The following PLGRKT variants were observed in gnomAD, a reference collection of about 807,000 sequenced individuals.
PLGRKT encodes the protein plasminogen receptor (KT).
A neutral mutation model predicts 18.5 loss-of-function variants in PLGRKT; 22 were observed. The ratio of observed to expected loss-of-function variants is 1.19; its 90% CI spans 0.85 to 1.70. The LOEUF (loss-of-function observed/expected upper bound fraction) is 1.70, where lower values mean the gene tolerates loss of function less well. PLGRKT is among the 40% of genes most tolerant of loss of function. The probability of loss-of-function intolerance (pLI) is 0.00; values close to 1 mark genes in which losing one functional copy is unlikely to be tolerated. For missense variants in PLGRKT, 235 were observed against 174.4 expected (o/e 1.35, Z -1.96); for synonymous variants, 72 against 52.8 (o/e 1.36, Z -1.58).
intron 3 of PLGRKT, chr9:5,419,084 T>A (rs1349262790): frequency 7.5e-6 from 2 of 267,480 alleles, no homozygotes; most frequent in South Asian, 1.2e-4. Context: ...AGCTCAGACA[T>A]CCAGCACTCA....
rs1818507506 is a variant in PLGRKT at position 5,418,477 on chromosome 9, C to G, written c.81+13420G>C. On this transcript the variant is annotated intron_variant, in intron 3 of 5. Transcript: ENST00000223864. The surrounding 1 kb of genome is among the most constrained non-coding windows in gnomAD (Gnocchi z 4.2). The stretch of plus-strand genomic sequence containing the variant: ...AGCCACCAAGATGACAGTGCACACC[C>G]TCAACCACATGGAGCTTTTCACCAT... 2 of 1,092,276 alleles carry G rather than the reference C, an allele frequency of 1.8e-6. No homozygotes were observed. Among genetic ancestry groups the G allele is most frequent in the Admixed American group, 1.7e-5 (1 of 58,134 alleles). 67.7% of individuals were successfully genotyped at this position (1,092,276 alleles called of 1,614,324 possible). A position where few individuals can be genotyped will look rare whatever the true frequency, so the allele number is the denominator to read the frequency against.
chr9:5,424,691 T>TATAC (rs201541927), intron 3 of PLGRKT, among the ~76,000 whole-genome samples: 5 of 70,502 alleles, frequency 7.1e-5, no homozygotes, highest in South Asian at 4.2e-4. Context: ...TATATATATA[T>TATAC]ACACACAGGG....
In PLGRKT at chr9:5,398,020, T is replaced by C. The variant is rs535760954; in HGVS notation, c.81+33877A>G. Among the ~76,000 whole-genome samples the C allele has an allele frequency of 1.2e-4, 19 of 152,042 alleles. No individual in the cohort carries two copies. The South Asian group carries it at 2.7e-3, about 22-fold the overall frequency. On this transcript the variant is annotated intron_variant, in intron 3 of 5. Coordinates refer to ENST00000223864, the MANE Select transcript of PLGRKT (RefSeq NM_018465.4). Reference sequence around the variant, plus strand: ...CTGTAGCTTGGTGCCCACATCCGAATGGATGCATAGAGCAAAGCCTGAACC... The same window carrying C: ...CTGTAGCTTGGTGCCCACATCCGAACGGATGCATAGAGCAAAGCCTGAACC...
At chr9:5,424,645 T>TAC (rs1257708773) in intron 3 of PLGRKT, among the ~76,000 whole-genome samples, 6 of 71,240 alleles carry the variant, frequency 8.4e-5, no homozygotes, top group African/African-American at 3.6e-4. Flanking sequence ...ATATTTACAT[T>TAC]ATATATAATA....
chr9:5,421,628 G>A (rs1438795295), intron 3 of PLGRKT, among the ~76,000 whole-genome samples: 1 of 152,192 alleles, frequency 6.6e-6, no homozygotes, highest in Non-Finnish European at 1.5e-5. Flanking sequence ...TTTAATTACT[G>A]ACTTTGCTGA....
intron 3 of PLGRKT, among the ~76,000 whole-genome samples, chr9:5,381,068 G>A (rs1479243706): frequency 6.6e-6 from 1 of 152,172 alleles, no homozygotes; most frequent in Non-Finnish European, 1.5e-5. Flanking sequence ...TAAGTTTCCT[G>A]AGGCCTCCCC....
intron 3 of PLGRKT, among the ~76,000 whole-genome samples, chr9:5,365,096 C>T (rs1817356174): frequency 6.9e-6 from 1 of 145,288 alleles, no homozygotes; most frequent in Non-Finnish European, 1.5e-5. Context: ...CAGAAACACC[C>T]AGACATGATT....
intron 3 of PLGRKT, among the ~76,000 whole-genome samples, chr9:5,398,240 T>G (rs582364): frequency 0.28 from 41,684 of 151,528 alleles, 6,087 homozygotes; most frequent in Non-Finnish European, 0.29. Context: ...CCTCCAGCAG[T>G]GCTTTACTGC....
At chr9:5,417,980 C>T (rs1225173334) in intron 3 of PLGRKT, among the ~76,000 whole-genome samples, 1 of 152,200 alleles carries the variant, frequency 6.6e-6, no homozygotes, top group Admixed American at 6.5e-5. Context: ...TACTTGCATA[C>T]AGAGCATCTT....
At chr9:5,374,673 T>A (rs1045173029) in intron 3 of PLGRKT, among the ~76,000 whole-genome samples, 1 of 152,238 alleles carries the variant, frequency 6.6e-6, no homozygotes. Context: ...TTATTTCCAA[T>A]GCTAAATAAT....
rs536202328 is a variant in PLGRKT at position 5,397,301 on chromosome 9, C to T, written c.81+34596G>A. Among the ~76,000 whole-genome samples, 9 of 152,038 alleles carry T rather than the reference C, an allele frequency of 5.9e-5. No individual in the cohort carries two copies. The South Asian group carries it at 1.2e-3, about 21-fold the overall frequency. On this transcript the variant is annotated intron_variant, in intron 3 of 5. Coordinates refer to ENST00000223864, the MANE Select transcript of PLGRKT (RefSeq NM_018465.4). ...CATGACTTTCCCCTCACTTTATTCA[C>T]GCTTCTATTCAAATACTTCTTTCCA...
chr9:5,396,000 T>C (rs1170352274), intron 3 of PLGRKT, among the ~76,000 whole-genome samples: 2 of 151,174 alleles, frequency 1.3e-5, no homozygotes, highest in Non-Finnish European at 2.9e-5. Context: ...TTCAAGCGAT[T>C]CTCCTGCCTT....
At chr9:5,380,128 G>A (rs1817710698) in intron 3 of PLGRKT, among the ~76,000 whole-genome samples, 1 of 152,128 alleles carries the variant, frequency 6.6e-6, no homozygotes, top group Non-Finnish European at 1.5e-5. Flanking sequence ...ACTTTGGGAG[G>A]CCGAGGCAGG....
intron 3 of PLGRKT, among the ~76,000 whole-genome samples, chr9:5,374,885 A>G (rs925169970): frequency 4.6e-5 from 7 of 152,198 alleles, no homozygotes; most frequent in Non-Finnish European, 1.0e-4. Context: ...AAACTGAAAA[A>G]AAGTCATTAT....
At chr9:5,377,041 G>A (rs1262721472) in intron 3 of PLGRKT, among the ~76,000 whole-genome samples, 1 of 152,092 alleles carries the variant, frequency 6.6e-6, no homozygotes, top group Non-Finnish European at 1.5e-5. Context: ...TCTGTACTCA[G>A]GCTGCCTGGG....
In PLGRKT at chr9:5,371,170, T is replaced by G. The variant is rs533832712; in HGVS notation, c.82-9282A>C. Among the ~76,000 whole-genome samples, 111 of 152,336 alleles carry G rather than the reference T, an allele frequency of 7.3e-4. 1 individual carries two copies. The South Asian group carries it at 0.023, about 31-fold the overall frequency. On this transcript the variant is annotated intron_variant, in intron 3 of 5. Coordinates refer to ENST00000223864, the MANE Select transcript of PLGRKT (RefSeq NM_018465.4). ...AATTTCAGTTTGGCAAAAACCTGTG[T>G]TTTATGCCAAATGCCGTATTAAGAG...
intron 3 of PLGRKT, among the ~76,000 whole-genome samples, chr9:5,426,724 G>C (rs1009149470): frequency 1.1e-4 from 17 of 152,154 alleles, no homozygotes; most frequent in African/African-American, 4.1e-4. Context: ...TCTTTAGCTG[G>C]GCCATTTCCC....
chr9:5,378,379 G>C (rs1817671841), intron 3 of PLGRKT, among the ~76,000 whole-genome samples: 1 of 152,182 alleles, frequency 6.6e-6, no homozygotes, highest in Non-Finnish European at 1.5e-5. Context: ...TGCAGTTTTA[G>C]CTCCTGCTGA....
At chr9:5,424,693 C>CATATATATATATATATAT (rs1818660346) in intron 3 of PLGRKT, among the ~76,000 whole-genome samples, 4 of 58,046 alleles carry the variant, frequency 6.9e-5, no homozygotes, top group African/African-American at 3.2e-4. Context: ...TATATATATA[C>CATATATATATATATATAT]ACACAGGGGG....
Sources: gnomAD v4.1 joint callset for allele counts (sites outside exome capture counted in the v4.1 genomes callset) on GRCh38, gnomAD v4.1.1 for gene constraint, Gnocchi (gnomAD v3.1) non-coding constraint, MANE v1.5 for transcripts, NCBI Gene and HGNC (gene_info 2026-07-23, HGNC 2026-07-21) for gene names.